Variants in CELSR1 observed in about 807,000 individuals in gnomAD.
CELSR1 encodes the protein cadherin EGF LAG seven-pass G-type receptor 1.
Under a neutral mutation model 249.1 loss-of-function variants are expected in CELSR1, and 110 were observed. The observed-to-expected ratio is 0.44, with a 90% CI of 0.38 to 0.52. CELSR1 has a LOEUF of 0.52. CELSR1 is among the 20% of genes least tolerant of loss of function. CELSR1 has a pLI of 0.00. For missense variants in CELSR1, 4,109 were observed against 4,296.4 expected (o/e 0.96, Z 1.22); for synonymous variants, 2,113 against 1,900.0 (o/e 1.11, Z -2.92).
chr22:46,435,424 GGC>G (rs2079648284), intron 4 of CELSR1, among the ~76,000 whole-genome samples: 1 of 151,472 alleles, frequency 6.6e-6, no homozygotes, highest in Admixed American at 6.6e-5. Context: ...TGGGATTACA[GGC>G]AAGTGCCACC....
chr22:46,479,888 G>A (rs12484824), intron 1 of CELSR1, among the ~76,000 whole-genome samples: 1 of 152,172 alleles, frequency 6.6e-6, no homozygotes, highest in African/African-American at 2.4e-5. Flanking sequence ...GCTCATCCTA[G>A]CCCAAGTTGC....
chr22:46,522,134 G>C (rs556938378), intron 1 of CELSR1, among the ~76,000 whole-genome samples: 1 of 152,014 alleles, frequency 6.6e-6, no homozygotes, highest in Admixed American at 6.6e-5. Flanking sequence ...CTGCAAAAGC[G>C]TGTATGTGTT....
chr22:46,515,642 A>G (rs1332739019), intron 1 of CELSR1, among the ~76,000 whole-genome samples: 1 of 152,182 alleles, frequency 6.6e-6, no homozygotes, highest in Non-Finnish European at 1.5e-5. Flanking sequence ...TGGGGACTCA[A>G]AGGCACAGAG....
intron 5 of CELSR1, among the ~76,000 whole-genome samples, chr22:46,424,665 T>C (rs1479214673): frequency 6.6e-6 from 1 of 152,180 alleles, no homozygotes; most frequent in Admixed American, 6.5e-5. Flanking sequence ...TCCATTGTTA[T>C]TCTGTCGTAT....
At chr22:46,368,349 A>G (rs2078810974) in intron 27 of CELSR1, among the ~76,000 whole-genome samples, 1 of 152,024 alleles carries the variant, frequency 6.6e-6, no homozygotes, top group Admixed American at 6.5e-5. Flanking sequence ...CAGAGCCCGC[A>G]AGGTCCACAG....
Position 46,419,300 on chromosome 22 carries a change from G to C in CELSR1, c.4612-7541C>G, listed in dbSNP as rs185523737. ...TGCAGTGAGATACAGCGCCTTCTTG[G>C]AAAGCAACACGTTCCTTCTCTTGGG... On this transcript the variant is annotated intron_variant, in intron 5 of 34. Transcript: ENST00000674500. 5.4e-3 allele frequency among the ~76,000 whole-genome samples: 817 copies of C among 152,318 alleles called. 2 individuals are homozygous for C. Among genetic ancestry groups the C allele is most frequent in the Non-Finnish European group, 8.7e-3 (592 of 68,020 alleles).
rs761384265 is a variant in CELSR1 at position 46,535,907 on chromosome 22, C to T, written c.1264G>A (p.Glu422Lys). Reference protein sequence around the residue: ...RAVLDREEAAEYQLLVEANDQ... With the variant: ...RAVLDREEAAKYQLLVEANDQ... ...TTGGCCTCCACCAGGAGCTGGTACT[C>T]GGCCGCCTCCTCCCGGTCCAGCACC... Residue 422 changes from glutamate to lysine, a missense_variant, in exon 1 of 35, where the codon GAG becomes AAG. Glu to Lys is a moderately conservative substitution (Grantham distance 56, BLOSUM62 1). Around this residue, in one of 7 missense-constraint regions of CELSR1, gnomAD observed 673 missense variants for 636.8 expected, o/e 1.06. Transcript: ENST00000674500. The T allele has an allele frequency of 9.3e-6, 15 of 1,608,724 alleles. No homozygotes were observed. The South Asian group carries it at 1.3e-4, about 14-fold the overall frequency.
chr22:46,416,495 G>T (rs1201065257), intron 5 of CELSR1, among the ~76,000 whole-genome samples: 1 of 152,222 alleles, frequency 6.6e-6, no homozygotes, highest in African/African-American at 2.4e-5. Flanking sequence ...GGCAGGCAGC[G>T]CACACAGTGA....
Position 46,410,266 on chromosome 22 carries a change from C to G in CELSR1, c.4933+132G>C. The stretch of plus-strand genomic sequence containing the variant: ...TCCGGGTTCCATCCCAGGAGCTGCC[C>G]ACCGCTGGACACATACATTTCTAAG... On this transcript the variant is annotated intron_variant, in intron 7 of 34. Transcript: ENST00000674500. This position sits in a 1 kb window ranked among gnomAD's most constrained non-coding sequence, Gnocchi z 6.8. 1 of 1,133,896 alleles carries G rather than the reference C, an allele frequency of 8.8e-7. No individual in the cohort carries two copies. Among genetic ancestry groups the G allele is most frequent in the Non-Finnish European group, 1.3e-6 (1 of 796,394 alleles). The allele number at this position is 1,133,896 out of a possible 1,614,324, so 70.2% of individuals were successfully genotyped here.
rs1470575627 is a variant in CELSR1 at position 46,406,391 on chromosome 22, G to C, written c.5226+2605C>G. ...CCAGGCAATCCGAGAGGTCTGTGCTGGAAAATGCTCCCGAGCTGTGATGGG... is the reference window on the plus strand; with the variant it reads ...CCAGGCAATCCGAGAGGTCTGTGCTCGAAAATGCTCCCGAGCTGTGATGGG... On this transcript the variant is annotated intron_variant, in intron 9 of 34. Transcript: ENST00000674500. The surrounding 1 kb of genome is among the most constrained non-coding windows in gnomAD (Gnocchi z 5.4). Among the ~76,000 whole-genome samples, 1 of 152,210 alleles carries C rather than the reference G, an allele frequency of 6.6e-6. No homozygotes were observed.
Position 46,440,163 on chromosome 22 carries a change from C to T in CELSR1, c.4184-752G>A, listed in dbSNP as rs970267540. Among the ~76,000 whole-genome samples, 2 of 152,142 alleles carry T rather than the reference C, an allele frequency of 1.3e-5. No individual in the cohort carries two copies. Among genetic ancestry groups the T allele is most frequent in the African/African-American group, 4.8e-5 (2 of 41,422 alleles). On this transcript the variant is annotated intron_variant, in intron 2 of 34. Transcript: ENST00000674500. The surrounding 1 kb of genome is among the most constrained non-coding windows in gnomAD (Gnocchi z 4.7). ...CTGCCTCTCTCCATCCGCCCTCAGA[C>T]CAGGAGTGCTAAGAACCTCATCTGC...
Position 46,535,107 on chromosome 22 carries a change from C to T in CELSR1, c.2064G>A (p.Thr688=), listed in dbSNP as rs200980756. The T allele has an allele frequency of 2.7e-5, 43 of 1,611,826 alleles. No individual in the cohort carries two copies. Among genetic ancestry groups the T allele is most frequent in the Middle Eastern group, 3.3e-4 (2 of 6,052 alleles). ...LDVNDNDPVF[T]QPTYELRLNE... is the part of the protein sequence containing the mutation. ...TCAGACGAAGCTCGTAGGTGGGCTGCGTGAACACCGGGTCGTTGTCATTCA... is the reference window on the plus strand; with the variant it reads ...TCAGACGAAGCTCGTAGGTGGGCTGTGTGAACACCGGGTCGTTGTCATTCA... The change falls in exon 1 of 35, where the codon ACG becomes ACA. Residue 688 remains threonine, a synonymous_variant. Transcript: ENST00000674500.
At chr22:46,532,357 A>G (rs1362802410) in intron 1 of CELSR1, among the ~76,000 whole-genome samples, 6 of 152,254 alleles carry the variant, frequency 3.9e-5, no homozygotes, top group African/African-American at 1.4e-4. Flanking sequence ...TCACAAACCT[A>G]AAATATTCAC....
At chr22:46,392,040 A>G (rs2079098760) in intron 14 of CELSR1, among the ~76,000 whole-genome samples, 1 of 152,184 alleles carries the variant, frequency 6.6e-6, no homozygotes. Flanking sequence ...TCCGGGAAGC[A>G]CGCCCTCCCT....
In CELSR1 at chr22:46,454,823, C is replaced by T. The variant is rs1002035878; in HGVS notation, c.4183+8884G>A. Among the ~76,000 whole-genome samples, 2 of 152,256 alleles carry T rather than the reference C, an allele frequency of 1.3e-5. No homozygotes were observed. Among genetic ancestry groups the T allele is most frequent in the African/African-American group, 4.8e-5 (2 of 41,472 alleles). On this transcript the variant is annotated intron_variant, in intron 2 of 34. Transcript: ENST00000674500. This position sits in a 1 kb window ranked among gnomAD's most constrained non-coding sequence, Gnocchi z 5.1. ...AGCGCCAACAGCCCTGGTTCCCAAA[C>T]TCCTTAGCTCCTCAGCGAAGGAGCA...
Position 46,433,468 on chromosome 22 carries a change from C to T in CELSR1, c.4536G>A (p.Thr1512=), listed in dbSNP as rs202017473. The change falls in exon 5 of 35, where the codon ACG becomes ACA. Residue 1512 remains threonine (T), a synonymous_variant. Coordinates refer to ENST00000674500, the MANE Select transcript of CELSR1 (RefSeq NM_001378328.1). This position sits in a 1 kb window ranked among gnomAD's most constrained non-coding sequence, Gnocchi z 5.7. The stretch of plus-strand genomic sequence containing the variant: ...CACTGGGAACCTTCGGTGCCACGGT[C>T]GTTGTTGTCTCGCCTGCATGGTGGG... ...QLTFSAGETT[T]TVAPKVPSGV... The T allele has an allele frequency of 4.1e-4, 657 of 1,613,904 alleles. 8 individuals are homozygous for T. The South Asian group carries it at 6.9e-3, about 17-fold the overall frequency.
chr22:46,373,573 C>CA, intron 24 of CELSR1, among the ~76,000 whole-genome samples: 1 of 150,076 alleles, frequency 6.7e-6, no homozygotes. Context: ...CCAGTGCTCC[C>CA]AAAGCTGCCG....
chr22:46,394,111 G>A, intron 14 of CELSR1, 31 bp downstream of exon 14: 4 of 1,606,410 alleles, frequency 2.5e-6, no homozygotes, highest in Non-Finnish European at 3.4e-6. Context: ...AGCAAACACA[G>A]CATGCAGGGA....
At position 46,471,056 on chromosome 22, in the gene CELSR1, C is replaced by T. The variant is rs1195960765; in HGVS notation, c.3545-6711G>A. Among the ~76,000 whole-genome samples the T allele has an allele frequency of 1.3e-5, 2 of 151,880 alleles. No individual in the cohort carries two copies. Among genetic ancestry groups the T allele is most frequent in the Non-Finnish European group, 1.5e-5 (1 of 68,002 alleles). On this transcript the variant is annotated intron_variant, in intron 1 of 34. Coordinates refer to ENST00000674500, the MANE Select transcript of CELSR1 (RefSeq NM_001378328.1). This position sits in a 1 kb window ranked among gnomAD's most constrained non-coding sequence, Gnocchi z 4.9. ...AGGAGAATCGCTTGAACCTGGGAGTCGGAGGTTGCAGTGAGCCAAGATGGC... is the reference window on the plus strand; with the variant it reads ...AGGAGAATCGCTTGAACCTGGGAGTTGGAGGTTGCAGTGAGCCAAGATGGC...
Sources: allele counts gnomAD v4.1 joint callset (sites outside exome capture counted in the v4.1 genomes callset), GRCh38; gene constraint gnomAD v4.1.1; regional missense constraint gnomAD v4.1.1; non-coding constraint Gnocchi (gnomAD v3.1); transcripts MANE v1.5; gene names NCBI Gene and HGNC (gene_info 2026-07-23, HGNC 2026-07-21).